The following UPRT variants were observed in gnomAD, a reference collection of about 807,000 sequenced individuals.
UPRT encodes the protein uracil phosphoribosyltransferase homolog, also known as RP11-311P8.3.
Under a neutral mutation model 22.6 loss-of-function variants are expected in UPRT, and 5 were observed. That is an observed-to-expected ratio of 0.22 (90% CI 0.12 to 0.47). The LOEUF (loss-of-function observed/expected upper bound fraction) is 0.47, where lower values mean the gene tolerates loss of function less well. Ranked by LOEUF, UPRT falls within the 20% of genes least tolerant of loss-of-function variation. The probability of loss-of-function intolerance (pLI) is 0.99; values close to 1 mark genes in which losing one functional copy is unlikely to be tolerated. For synonymous variants in UPRT, 77 were observed against 87.7 expected, an observed-to-expected ratio of 0.88 and a Z score of 0.68; for missense variants, 181 against 239.9, an observed-to-expected ratio of 0.75 and a Z score of 1.62.
intron 4 of UPRT, among the ~76,000 whole-genome samples, chrX:75,248,152 A>G: frequency 8.9e-6 from 1 of 111,944 alleles, no homozygotes. Context: ...TAAAAATCAG[A>G]ACACCTCTCC....
intron 4 of UPRT, among the ~76,000 whole-genome samples, chrX:75,220,322 G>T (rs2082405914): frequency 9.1e-6 from 1 of 110,408 alleles, no homozygotes; most frequent in Admixed American, 9.6e-5. Flanking sequence ...TCTCTTGTAG[G>T]CAACAGATCA....
chrX:75,172,667 G>T (rs1172168611), intron 4 of UPRT, among the ~76,000 whole-genome samples: 8 of 111,070 alleles, frequency 7.2e-5, no homozygotes, highest in Non-Finnish European at 1.5e-4. Context: ...GATGTGTTCG[G>T]AGTTTCTTCT....
At chrX:75,287,744 C>G (rs2082688339) in intron 1 of UPRT, among the ~76,000 whole-genome samples, 1 of 111,158 alleles carries the variant, frequency 9.0e-6, no homozygotes, top group South Asian at 3.7e-4. Flanking sequence ...CATTAACAAT[C>G]TAATGTCACA....
intron 4 of UPRT, among the ~76,000 whole-genome samples, chrX:75,265,155 G>T (rs931878327): frequency 3.6e-5 from 4 of 110,888 alleles, no homozygotes; most frequent in Non-Finnish European, 7.6e-5. Context: ...ACAATTATGT[G>T]TCTTGGAGTT....
At chrX:75,174,152 G>C (rs1569258306) in intron 4 of UPRT, among the ~76,000 whole-genome samples, 1 of 112,088 alleles carries the variant, frequency 8.9e-6, no homozygotes, top group Non-Finnish European at 1.9e-5. Flanking sequence ...CCAGCACACT[G>C]TCACCTCTCA....
intron 4 of UPRT, among the ~76,000 whole-genome samples, chrX:75,227,840 T>C (rs1293391984): frequency 8.9e-6 from 1 of 112,722 alleles, no homozygotes; most frequent in African/African-American, 3.2e-5. Context: ...CAGAACTCAG[T>C]CAATTAATCT....
intron 4 of UPRT, among the ~76,000 whole-genome samples, chrX:75,240,966 C>CA (rs2082486483): frequency 9.0e-6 from 1 of 111,049 alleles, no homozygotes; most frequent in African/African-American, 3.3e-5. Flanking sequence ...GACCTGACAC[C>CA]AAAAAATTCT....
chrX:75,183,601 G>A (rs147656665), intron 4 of UPRT, among the ~76,000 whole-genome samples: 38 of 111,829 alleles, frequency 3.4e-4, no homozygotes, highest in Non-Finnish European at 4.3e-4. Flanking sequence ...TCGCCACACC[G>A]ACTTCCAAAA....
intron 4 of UPRT, among the ~76,000 whole-genome samples, chrX:75,247,503 C>G (rs1007763976): frequency 1.8e-5 from 2 of 111,653 alleles, no homozygotes; most frequent in Non-Finnish European, 1.9e-5. Context: ...AGTCTGAGAT[C>G]AAACTGCAAA....
chrX:75,262,028 C>T (rs770704305), intron 4 of UPRT, among the ~76,000 whole-genome samples: 1 of 111,102 alleles, frequency 9.0e-6, no homozygotes, highest in South Asian at 3.8e-4. Context: ...TAAGGGCAGC[C>T]AGAGAGAAAG....
intron 4 of UPRT, among the ~76,000 whole-genome samples, chrX:75,211,052 G>A (rs1375098226): frequency 9.1e-6 from 1 of 110,432 alleles, no homozygotes; most frequent in Non-Finnish European, 1.9e-5. Flanking sequence ...AAGGTATTCA[G>A]TTTTAATGGA....
chrX:75,297,699 G>C, intron 4 of UPRT, 146 bp downstream of exon 4: 1 of 649,525 alleles, frequency 1.5e-6, no homozygotes, highest in Non-Finnish European at 2.4e-6. Context: ...TCATGGTGCT[G>C]TGGAGTCATG....
At chrX:75,297,867 A>C (rs1443058198) in intron 4 of UPRT, 1 of 232,923 alleles carries the variant, frequency 4.3e-6, no homozygotes, top group Non-Finnish European at 7.7e-6. Context: ...CAGTTTGAAG[A>C]CTGAGGGAAT....
At chrX:75,231,881 C>A (rs193237946) in intron 4 of UPRT, among the ~76,000 whole-genome samples, 1 of 112,226 alleles carries the variant, frequency 8.9e-6, no homozygotes, top group East Asian at 2.8e-4. Context: ...CTTTCTCAGA[C>A]ACACAAATGC....
chrX:75,181,482 C>T (rs147026651), intron 4 of UPRT, among the ~76,000 whole-genome samples: 341 of 111,395 alleles, frequency 3.1e-3, no homozygotes, highest in Non-Finnish European at 5.3e-3. Context: ...TATCTGTGAG[C>T]GTGGAATGTT....
At chrX:75,250,130 C>A (rs1319748022) in intron 4 of UPRT, among the ~76,000 whole-genome samples, 3 of 111,457 alleles carry the variant, frequency 2.7e-5, no homozygotes, top group African/African-American at 9.8e-5. Flanking sequence ...AATTGACACC[C>A]TAACATCACA....
intron 4 of UPRT, among the ~76,000 whole-genome samples, chrX:75,236,165 G>A (rs777719029): frequency 9.0e-6 from 1 of 111,406 alleles, no homozygotes; most frequent in South Asian, 3.9e-4. Flanking sequence ...CAGAGAAACA[G>A]AGAGCCAAAT....
At chrX:75,283,514 T>C (rs1345184061) in intron 1 of UPRT, among the ~76,000 whole-genome samples, 2 of 111,634 alleles carry the variant, frequency 1.8e-5, no homozygotes, top group Admixed American at 1.9e-4. Flanking sequence ...CTCTTAGCCT[T>C]TGTCTGAAAA....
chrX:75,189,751 T>TC lies in UPRT; in HGVS notation c.-447+21873dup, dbSNP rs761915327. Among the ~76,000 whole-genome samples, 32 of 112,239 alleles carry TC rather than the reference T, an allele frequency of 2.9e-4. No individual in the cohort carries two copies. In the South Asian group the frequency reaches 0.012, roughly 42 times the overall value. On this transcript the variant is annotated intron_variant, in intron 4 of 13. Transcript: ENST00000652605. Reference sequence around the variant, plus strand: ...CCATTATGTAATGGCCTTCTTCATCTCTTTTGATCTTTGTTGGCTTAAAGT... The same window carrying TC: ...CCATTATGTAATGGCCTTCTTCATCTCCTTTTGATCTTTGTTGGCTTAAAGT...
Sources: allele counts gnomAD v4.1 joint callset (sites outside exome capture counted in the v4.1 genomes callset), GRCh38; gene constraint gnomAD v4.1.1; transcripts MANE v1.5; gene names NCBI Gene and HGNC (gene_info 2026-07-23, HGNC 2026-07-21).